ADAMTS6: variants seen among roughly 807,000 people sequenced by gnomAD.
ADAMTS6 encodes ADAM metallopeptidase with thrombospondin type 1 motif 6.
In ADAMTS6, 23 loss-of-function variants were observed where a neutral mutation model predicts 144.3. That is an observed-to-expected ratio of 0.16 (90% CI 0.11 to 0.23). The LOEUF (loss-of-function observed/expected upper bound fraction) is 0.23, where lower values mean the gene tolerates loss of function less well. ADAMTS6 is among the 10% of genes least tolerant of loss of function. ADAMTS6 has a pLI of 1.00. For missense variants in ADAMTS6, 999 were observed against 1,379.6 expected (o/e 0.72, Z 4.37); for synonymous variants, 444 against 457.5 (o/e 0.97, Z 0.38).
At chr5:65,169,586 C>T (rs1437974379) in intron 24 of ADAMTS6, among the ~76,000 whole-genome samples, 11 of 145,908 alleles carry the variant, frequency 7.5e-5, no homozygotes, top group Admixed American at 6.8e-4. Flanking sequence ...CACATGCACA[C>T]GTATGTTTAT....
chr5:65,408,349 C>A (rs1029028349), intron 7 of ADAMTS6, among the ~76,000 whole-genome samples: 3 of 152,060 alleles, frequency 2.0e-5, no homozygotes, highest in African/African-American at 7.2e-5. Flanking sequence ...GGTTGCAATC[C>A]TAGTCTCTGA....
chr5:65,170,860 A>C, intron 23 of ADAMTS6, 87 bp from the exon 24 acceptor site: 2 of 1,389,608 alleles, frequency 1.4e-6, no homozygotes, highest in Non-Finnish European at 2.0e-6. Flanking sequence ...CAAATACAAC[A>C]CAATATGAAC....
intron 22 of ADAMTS6, among the ~76,000 whole-genome samples, chr5:65,186,668 G>A (rs560530574): frequency 4.6e-5 from 7 of 152,258 alleles, no homozygotes; most frequent in Non-Finnish European, 8.8e-5. Context: ...TATCCCGTTA[G>A]GGAACAGGAG....
At chr5:65,350,131 T>C (rs1256600972) in intron 7 of ADAMTS6, among the ~76,000 whole-genome samples, 1 of 152,208 alleles carries the variant, frequency 6.6e-6, no homozygotes, top group Non-Finnish European at 1.5e-5. Context: ...CTCTTTGATG[T>C]TGTCAGTAAG....
At chr5:65,357,729 A>G (rs1196334292) in intron 7 of ADAMTS6, among the ~76,000 whole-genome samples, 4 of 151,874 alleles carry the variant, frequency 2.6e-5, no homozygotes, top group African/African-American at 9.7e-5. Flanking sequence ...AGCAAATTGA[A>G]TAAGCTAAAA....
chr5:65,196,199 G>A (rs1340027949), intron 21 of ADAMTS6, among the ~76,000 whole-genome samples: 1 of 152,104 alleles, frequency 6.6e-6, no homozygotes, highest in East Asian at 1.9e-4. Context: ...GCAAATTAAA[G>A]CCCTGATATT....
At chr5:65,228,303 A>G (rs1173628585) in intron 15 of ADAMTS6, among the ~76,000 whole-genome samples, 2 of 152,170 alleles carry the variant, frequency 1.3e-5, no homozygotes, top group African/African-American at 4.8e-5. Flanking sequence ...TATGTAACGT[A>G]ATATTTGATA....
intron 20 of ADAMTS6, among the ~76,000 whole-genome samples, chr5:65,206,102 T>C (rs1196154645): frequency 2.0e-5 from 3 of 152,300 alleles, no homozygotes; most frequent in Middle Eastern, 3.4e-3. Context: ...CCAACTTTAA[T>C]GATACTCATT....
intron 4 of ADAMTS6, among the ~76,000 whole-genome samples, chr5:65,458,202 T>C (rs1759370424): frequency 1.3e-5 from 2 of 152,234 alleles, no homozygotes; most frequent in Non-Finnish European, 2.9e-5. Flanking sequence ...GTAGATTCAC[T>C]GTAAGTTGTC....
At chr5:65,390,380 GA>G (rs996206328) in intron 7 of ADAMTS6, among the ~76,000 whole-genome samples, 1 of 152,184 alleles carries the variant, frequency 6.6e-6, no homozygotes, top group African/African-American at 2.4e-5. Flanking sequence ...GGCTGACAGA[GA>G]TTTCCGTGAG....
At chr5:65,405,065 A>G (rs190262327) in intron 7 of ADAMTS6, among the ~76,000 whole-genome samples, 105 of 152,258 alleles carry the variant, frequency 6.9e-4, no homozygotes, top group African/African-American at 2.5e-3. Flanking sequence ...AGATGAGTAG[A>G]TTGCAAAAAT....
intron 3 of ADAMTS6, among the ~76,000 whole-genome samples, chr5:65,466,018 T>C (rs1363212644): frequency 2.0e-5 from 3 of 152,324 alleles, no homozygotes; most frequent in East Asian, 3.9e-4. Flanking sequence ...ATATCCAATA[T>C]CCTATACAAC....
intron 22 of ADAMTS6, among the ~76,000 whole-genome samples, chr5:65,181,752 C>T (rs1361175210): frequency 6.6e-6 from 1 of 152,208 alleles, no homozygotes; most frequent in Non-Finnish European, 1.5e-5. Flanking sequence ...CAAGAGGATA[C>T]AAGGCCACTT....
intron 11 of ADAMTS6, among the ~76,000 whole-genome samples, chr5:65,287,597 C>G (rs1336286499): frequency 2.0e-5 from 3 of 152,118 alleles, no homozygotes; most frequent in Non-Finnish European, 4.4e-5. Flanking sequence ...GTGGCACAAT[C>G]TCAGCTCACT....
At position 65,460,280 on chromosome 5, in the gene ADAMTS6, G is replaced by A. The variant is rs61736455; in HGVS notation, c.521C>T (p.Thr174Ile). 4 of 1,613,986 alleles carry A rather than the reference G, an allele frequency of 2.5e-6. No individual in the cohort carries two copies. The African/African-American group carries it at 5.3e-5, about 22-fold the overall frequency. ...EYFIEPLKNT[T>I]EDSKHFSYEN... ...ATAACTAAAATGCTTGGAATCCTCT[G>A]TGGTATTCTTTAAAGGTTCGATAAA... Residue 174 changes from threonine (T) to isoleucine (I), a missense_variant, in exon 4 of 25, where the codon ACA becomes ATA. Transcript: ENST00000381055.
chr5:65,416,384 G>A (rs948449954), intron 7 of ADAMTS6, among the ~76,000 whole-genome samples: 1 of 152,146 alleles, frequency 6.6e-6, no homozygotes, highest in African/African-American at 2.4e-5. Flanking sequence ...TAATTTTTAA[G>A]TTCTTCAAAA....
At chr5:65,283,135 T>C (rs1668932023) in intron 11 of ADAMTS6, among the ~76,000 whole-genome samples, 1 of 152,032 alleles carries the variant, frequency 6.6e-6, no homozygotes, top group South Asian at 2.1e-4. Flanking sequence ...AGCAGAGCCC[T>C]AAAGGTCAGG....
At chr5:65,195,896 T>C (rs1755311843) in intron 21 of ADAMTS6, among the ~76,000 whole-genome samples, 2 of 152,188 alleles carry the variant, frequency 1.3e-5, no homozygotes, top group African/African-American at 4.8e-5. Flanking sequence ...TCAGGCAAAA[T>C]CTCTACAAAG....
At chr5:65,232,702 A>G (rs1030867920) in intron 15 of ADAMTS6, among the ~76,000 whole-genome samples, 1 of 152,000 alleles carries the variant, frequency 6.6e-6, no homozygotes, top group Non-Finnish European at 1.5e-5. Context: ...ACAGTAAAAA[A>G]AAAAAAAACC....
Sources: gnomAD v4.1 joint callset for allele counts (sites outside exome capture counted in the v4.1 genomes callset) on GRCh38, gnomAD v4.1.1 for gene constraint, MANE v1.5 for transcripts, NCBI Gene and HGNC (gene_info 2026-07-23, HGNC 2026-07-21) for gene names.